The following COL6A6 variants were observed in gnomAD, a reference collection of about 807,000 sequenced individuals.
The protein encoded by COL6A6 is collagen alpha-6(VI) chain.
COL6A6 carries 183 observed loss-of-function variants against 208.6 expected under a neutral mutation model. That is an observed-to-expected ratio of 0.88 (90% CI 0.78 to 0.99). The LOEUF (loss-of-function observed/expected upper bound fraction) is 0.99. COL6A6 is among the 50% of genes least tolerant of loss of function. The probability of loss-of-function intolerance (pLI) is 0.00; values close to 1 mark genes in which losing one functional copy is unlikely to be tolerated. For missense variants in COL6A6, 2,816 were observed against 2,815.2 expected (o/e 1.00, Z -0.01); for synonymous variants, 973 against 1,011.8 (o/e 0.96, Z 0.73).
At chr3:130,611,057 T>G (rs963584229) in intron 23 of COL6A6, among the ~76,000 whole-genome samples, 4 of 151,896 alleles carry the variant, frequency 2.6e-5, no homozygotes, top group African/African-American at 7.2e-5. Context: ...TGGCTAAATA[T>G]GATAATCTCC....
At position 130,675,366 on chromosome 3, in the gene COL6A6, T is replaced by C. The variant is rs368146199; in HGVS notation, c.6761T>C (p.Met2254Thr). 6.3e-7 allele frequency: 1 copy of C among 1,593,088 alleles called. No individual in the cohort carries two copies. The highest frequency in any genetic ancestry group is 1.2e-5 in the South Asian group (1 of 86,768). Residue 2254 changes from methionine (M) to threonine (T), a missense_variant, in exon 37 of 37, where the codon ATG (methionine) becomes ACG (threonine). Transcript: ENST00000358511. The part of the protein sequence containing the change: ...STSHTFKNGR[M>T]IESAPKQHD The stretch of plus-strand genomic sequence containing the variant: ...TCCCATACCTTTAAGAATGGAAGGA[T>C]GATAGAAAGTGCTCCCAAACAACAT...
intron 1 of COL6A6, among the ~76,000 whole-genome samples, chr3:130,544,890 A>G (rs947363236): frequency 6.6e-6 from 1 of 151,858 alleles, no homozygotes; most frequent in Non-Finnish European, 1.5e-5. Context: ...CTTCTATCCA[A>G]TTGTATGAGG....
chr3:130,646,603 C>G (rs149338015), intron 32 of COL6A6, among the ~76,000 whole-genome samples: 1 of 152,250 alleles, frequency 6.6e-6, no homozygotes, highest in East Asian at 1.9e-4. Flanking sequence ...AGCCATCTTT[C>G]AAGAGCTGGG....
intron 8 of COL6A6, among the ~76,000 whole-genome samples, chr3:130,578,749 G>A (rs1396413066): frequency 6.6e-6 from 1 of 152,186 alleles, no homozygotes. Flanking sequence ...GTCCCACAGT[G>A]CACTACACCT....
Position 130,565,383 on chromosome 3 carries a change from G to T in COL6A6, c.1051G>T (p.Ala351Ser). ...AGATTCAGAAGACAACGTGACAAAA[G>T]CAGCTGTTAACCTCCGACGGGAGGG... ...HRDSEDNVTK[A>S]AVNLRREGVT... The change falls in exon 4 of 37, where the codon GCA becomes TCA. Residue 351 changes from alanine to serine, a missense_variant. By Grantham distance (99) the Ala-to-Ser change is moderately conservative. Transcript: ENST00000358511. 1.2e-6 allele frequency: 2 copies of T among 1,613,932 alleles called. No homozygotes were observed. The highest frequency in any genetic ancestry group is 1.7e-6 in the Non-Finnish European group (2 of 1,179,888).
chr3:130,587,845 A>G (rs1301650149), intron 11 of COL6A6, among the ~76,000 whole-genome samples: 1 of 152,202 alleles, frequency 6.6e-6, no homozygotes, highest in East Asian at 1.9e-4. Context: ...CTACATGGGA[A>G]GACAGTGTTT....
chr3:130,616,241 AGGACCAGCCACT>A (rs1454777772), intron 23 of COL6A6, among the ~76,000 whole-genome samples: 2 of 152,242 alleles, frequency 1.3e-5, no homozygotes, highest in East Asian at 3.9e-4. Flanking sequence ...ACAGCACACA[AGGACCAGCCACT>A]GGAATAGAAT....
chr3:130,637,996 C>T (rs2065205732), intron 28 of COL6A6, among the ~76,000 whole-genome samples: 1 of 152,096 alleles, frequency 6.6e-6, no homozygotes, highest in South Asian at 2.1e-4. Context: ...CAACTACCCT[C>T]TGTCCTACCC....
rs1451714745 is a variant in COL6A6 at position 130,517,218 on chromosome 3, C to G, written c.-211C>G. Among the ~76,000 whole-genome samples the G allele has an allele frequency of 6.6e-6, 1 of 152,224 alleles. No individual in the cohort carries two copies. Among genetic ancestry groups the G allele is most frequent in the Non-Finnish European group, 1.5e-5 (1 of 68,034 alleles). ...CGGGACACCGGAGTCAAGAGGCTGC[C>G]CACGCCGCTGCCTGTCCGTTCCACG... On this transcript the variant is annotated 5_prime_UTR_variant, in exon 1 of 37. Transcript: ENST00000358511.
chr3:130,652,187 CTGAA>C (rs2065665417), intron 33 of COL6A6, among the ~76,000 whole-genome samples: 1 of 152,186 alleles, frequency 6.6e-6, no homozygotes, highest in African/African-American at 2.4e-5. Context: ...TTAACAAATG[CTGAA>C]TGAATGAAAA....
intron 28 of COL6A6, among the ~76,000 whole-genome samples, chr3:130,638,983 A>G (rs1480400800): frequency 1.3e-5 from 2 of 152,190 alleles, no homozygotes; most frequent in Non-Finnish European, 2.9e-5. Flanking sequence ...TGTGTCCTCC[A>G]AAGAAGTGTT....
intron 18 of COL6A6, among the ~76,000 whole-genome samples, chr3:130,596,296 T>C (rs1349616878): frequency 6.6e-6 from 1 of 152,210 alleles, no homozygotes; most frequent in African/African-American, 2.4e-5. Context: ...GTTTCAGTTA[T>C]CCATATATGA....
intron 1 of COL6A6, among the ~76,000 whole-genome samples, chr3:130,545,837 G>C (rs1291234434): frequency 1.3e-5 from 2 of 152,088 alleles, no homozygotes; most frequent in South Asian, 4.1e-4. Context: ...TATCCTGCTT[G>C]GTGCTCTCTA....
intron 28 of COL6A6, among the ~76,000 whole-genome samples, chr3:130,638,846 C>T (rs1454667307): frequency 6.6e-6 from 1 of 152,174 alleles, no homozygotes; most frequent in Non-Finnish European, 1.5e-5. Flanking sequence ...CTCTCTGGCA[C>T]CTTATTGCAT....
intron 12 of COL6A6, chr3:130,589,999 T>C (rs2063635331): frequency 2.2e-6 from 1 of 450,212 alleles, no homozygotes; most frequent in Admixed American, 2.4e-5. Context: ...GTGGTAGATT[T>C]TTTTAAAAAA....
Position 130,546,167 on chromosome 3 carries a change from T to C in COL6A6, c.-31-14167T>C, listed in dbSNP as rs182952909. On this transcript the variant is annotated intron_variant, in intron 1 of 36. Coordinates refer to ENST00000358511, the MANE Select transcript of COL6A6 (RefSeq NM_001102608.3). ...AGCCCCGGACCCTCGCGGTGAGTGTTACAGTTCTTAAAGATGGTGTGTCCG... is the reference window on the plus strand; with the variant it reads ...AGCCCCGGACCCTCGCGGTGAGTGTCACAGTTCTTAAAGATGGTGTGTCCG... Among the ~76,000 whole-genome samples the C allele has an allele frequency of 3.5e-4, 53 of 152,304 alleles. No homozygotes were observed. In the East Asian group the frequency reaches 9.1e-3, roughly 26 times the overall value.
intron 1 of COL6A6, among the ~76,000 whole-genome samples, chr3:130,550,243 A>T (rs996503796): frequency 6.6e-6 from 1 of 152,152 alleles, no homozygotes; most frequent in Admixed American, 6.6e-5. Flanking sequence ...ATAGAATCAT[A>T]TTGTCTGCAA....
At chr3:130,598,535 A>G (rs2063913637) in intron 19 of COL6A6, 105 bp downstream of exon 19, 2 of 774,678 alleles carry the variant, frequency 2.6e-6, no homozygotes, top group Non-Finnish European at 4.4e-6. Flanking sequence ...CAAAGTGGAT[A>G]TACTTGGTAC....
chr3:130,645,220 T>C, intron 32 of COL6A6, among the ~76,000 whole-genome samples: 1 of 141,246 alleles, frequency 7.1e-6, no homozygotes, highest in Non-Finnish European at 1.5e-5. Context: ...ATTTGCTTTT[T>C]TATTAATAAA....
Sources: allele counts gnomAD v4.1 joint callset (sites outside exome capture counted in the v4.1 genomes callset), GRCh38; gene constraint gnomAD v4.1.1; transcripts MANE v1.5; gene names NCBI Gene and HGNC (gene_info 2026-07-23, HGNC 2026-07-21).